The following PGD variants were observed in gnomAD, a reference collection of about 807,000 sequenced individuals.
PGD encodes the protein phosphogluconate dehydrogenase.
In PGD, 21 loss-of-function variants were observed where a neutral mutation model predicts 60.4. That is an observed-to-expected ratio of 0.35 (90% CI 0.25 to 0.50). PGD has a LOEUF of 0.50. Ranked by LOEUF, PGD falls within the 20% of genes least tolerant of loss-of-function variation. PGD has a pLI of 0.98. For missense variants in PGD, 477 were observed against 613.1 expected (o/e 0.78, Z 2.34); for synonymous variants, 230 against 235.9 (o/e 0.97, Z 0.23).
At chr1:10,411,323 G>T in intron 6 of PGD, 95 bp from the exon 7 acceptor site, 1 of 1,387,500 alleles carries the variant, frequency 7.2e-7, no homozygotes, top group East Asian at 2.3e-5. Flanking sequence ...TGGAGAGGTA[G>T]CCTTGCCAGG....
Position 10,404,021 on chromosome 1 carries a change from C to A in PGD, c.331-140C>A, listed in dbSNP as rs745541595. 4.0e-5 allele frequency: 26 copies of A among 655,452 alleles called. 1 individual carries two copies. Among genetic ancestry groups the A allele is most frequent in the Non-Finnish European group, 7.0e-5 (26 of 373,844 alleles). The allele number at this position is 655,452 out of a possible 1,614,324, so 40.6% of individuals were successfully genotyped here. ...ATCAGTTATTCCTAGATCCTTGGGT[C>A]ATTTCCTGTAAATGTAGGCTCTCCA... On this transcript the variant is annotated intron_variant, in intron 4 of 12. Coordinates refer to ENST00000270776, the MANE Select transcript of PGD (RefSeq NM_002631.4).
chr1:10,419,428 G>A lies in PGD; in HGVS notation c.1221G>A (p.Arg407=). The A allele has an allele frequency of 1.2e-6, 2 of 1,613,620 alleles. No individual in the cohort carries two copies. The highest frequency in any genetic ancestry group is 2.2e-5 in the East Asian group (1 of 44,880). Residue 407 remains arginine, a synonymous_variant, in exon 12 of 13, where the codon CGG becomes CGA. Transcript: ENST00000270776. ...SAVENCQDSW[R]RAVSTGVQAG... ...CGTTTTGTGCTCAGGACTCCTGGCGGCGGGCAGTCAGCACTGGGGTCCAGG... is the reference window on the plus strand; with the variant it reads ...CGTTTTGTGCTCAGGACTCCTGGCGACGGGCAGTCAGCACTGGGGTCCAGG...
chr1:10,414,191 C>T, intron 8 of PGD, among the ~76,000 whole-genome samples: 1 of 152,284 alleles, frequency 6.6e-6, no homozygotes, highest in South Asian at 2.1e-4. Flanking sequence ...AGTTCCTTCT[C>T]CTTCCTCTTT....
chr1:10,401,952 T>A (rs1569968532), intron 3 of PGD, among the ~76,000 whole-genome samples: 2 of 151,146 alleles, frequency 1.3e-5, no homozygotes, highest in East Asian at 3.9e-4. Context: ...GAGGCAGAGC[T>A]TGCAGTGAGC....
intron 7 of PGD, 106 bp from the exon 8 acceptor site, chr1:10,412,956 G>A: frequency 1.1e-6 from 1 of 926,788 alleles, no homozygotes; most frequent in Non-Finnish European, 1.7e-6. Flanking sequence ...CGCGAGCAGA[G>A]CCTGCTGGCA....
intron 3 of PGD, 87 bp downstream of exon 3, chr1:10,400,659 ATT>A: frequency 6.1e-6 from 5 of 826,092 alleles, no homozygotes; most frequent in Non-Finnish European, 5.3e-6. Flanking sequence ...AACTCTAGAG[ATT>A]TTTTTTTTTC....
chr1:10,399,730 C>T (rs1362464982), intron 2 of PGD, 26 bp downstream of exon 2: 4 of 1,606,586 alleles, frequency 2.5e-6, no homozygotes, highest in Non-Finnish European at 3.4e-6. Context: ...GCGTTGTCTT[C>T]TCTCTGGTTC....
At position 10,401,431 on chromosome 1, in the gene PGD, A is replaced by G. The variant is rs570901324; in HGVS notation, c.264+859A>G. Among the ~76,000 whole-genome samples the G allele has an allele frequency of 7.2e-5, 11 of 152,364 alleles. No individual in the cohort carries two copies. The East Asian group carries it at 1.2e-3, about 16-fold the overall frequency. On this transcript the variant is annotated intron_variant, in intron 3 of 12. Coordinates refer to ENST00000270776, the MANE Select transcript of PGD (RefSeq NM_002631.4). ...AGAAATGTTTTGCTGTAAGCAGTGC[A>G]GTGATAGCTCAGGGGAGGCTGAGCA...
intron 5 of PGD, among the ~76,000 whole-genome samples, chr1:10,405,172 A>G (rs1188480235): frequency 1.3e-5 from 2 of 151,630 alleles, no homozygotes; most frequent in African/African-American, 2.4e-5. Context: ...CAGGAGATCT[A>G]GACGATCCTG....
chr1:10,404,523 T>C (rs1639367781), intron 5 of PGD, among the ~76,000 whole-genome samples: 1 of 107,880 alleles, frequency 9.3e-6, no homozygotes, highest in Non-Finnish European at 2.0e-5. Context: ...CTAAATAGGC[T>C]TTTTTTTTTT....
intron 6 of PGD, among the ~76,000 whole-genome samples, chr1:10,410,635 C>T (rs563637004): frequency 1.7e-4 from 26 of 152,106 alleles, no homozygotes; most frequent in African/African-American, 4.3e-4. Context: ...GTTTGGCTCT[C>T]GTCACTCCCT....
intron 10 of PGD, among the ~76,000 whole-genome samples, chr1:10,417,763 G>A (rs1639621408): frequency 6.6e-6 from 1 of 152,096 alleles, no homozygotes; most frequent in African/African-American, 2.4e-5. Flanking sequence ...AAACTGGAGT[G>A]CCATGATGCG....
In PGD at chr1:10,400,579, C is replaced by T. The variant is rs1281419012; in HGVS notation, c.264+7C>T. 6.2e-7 allele frequency: 1 copy of T among 1,609,154 alleles called. No individual in the cohort carries two copies. The highest frequency in any genetic ancestry group is 8.5e-7 in the Non-Finnish European group (1 of 1,177,110). The stretch of plus-strand genomic sequence containing the variant: ...TGATTTCATCGAGAAATTGGTGAGG[C>T]CAGCTGTGCTCTCAGCTGCTACCAC... On this transcript the variant is annotated splice_region_variant and intron_variant, in intron 3 of 12. Transcript: ENST00000270776.
intron 3 of PGD, 134 bp downstream of exon 3, chr1:10,400,706 A>C: frequency 1.5e-6 from 1 of 672,198 alleles, no homozygotes; most frequent in South Asian, 2.1e-5. Context: ...TGATTGCTTA[A>C]CTGTTGCAGT....
chr1:10,399,649 G>C lies in PGD; in HGVS notation c.29G>C (p.Gly10Ala). The change falls in exon 2 of 13, where the codon GGA becomes GCA. Residue 10 changes from glycine (G) to alanine (A), a missense_variant. Around this residue, in one of 3 missense-constraint regions of PGD, gnomAD observed 431 missense variants for 556.6 expected, o/e 0.77. Transcript: ENST00000270776. Reference protein sequence around the residue: MAQADIALIGLAVMGQNLIL... With the variant: MAQADIALIALAVMGQNLIL... ...TCTAGAGCTGACATCGCGCTGATCG[G>C]ATTGGCCGTCATGGGCCAGAACTTA... 1 of 1,614,074 alleles carries C rather than the reference G, an allele frequency of 6.2e-7. No individual in the cohort carries two copies. Among genetic ancestry groups the C allele is most frequent in the African/African-American group, 1.3e-5 (1 of 75,080 alleles).
chr1:10,413,590 T>G (rs1176158659), intron 8 of PGD, among the ~76,000 whole-genome samples: 3 of 152,160 alleles, frequency 2.0e-5, no homozygotes, highest in Non-Finnish European at 4.4e-5. Flanking sequence ...GTAACTTGAG[T>G]AAAATTTTTC....
At chr1:10,411,355 G>T (rs1337836474) in intron 6 of PGD, 63 bp from the exon 7 acceptor site, 2 of 1,592,322 alleles carry the variant, frequency 1.3e-6, no homozygotes, top group Admixed American at 3.4e-5. Context: ...GAAAGCTGAT[G>T]TGGACTTCTC....
intron 8 of PGD, among the ~76,000 whole-genome samples, chr1:10,416,021 A>C (rs1042723356): frequency 1.3e-5 from 2 of 152,206 alleles, no homozygotes; most frequent in Non-Finnish European, 2.9e-5. Flanking sequence ...AAAAAAATTA[A>C]GGTCCTCTAA....
rs769909729 is a variant in PGD, at chr1:10,399,720, G to T, written c.84+16G>T. On this transcript the variant is annotated intron_variant, in intron 2 of 12. Coordinates refer to ENST00000270776, the MANE Select transcript of PGD (RefSeq NM_002631.4). ...CGGCTTTGTGGTAAGCGGCGTGGGC[G>T]CGTTGTCTTCTCTCTGGTTCCCGGG... 6.2e-7 allele frequency: 1 copy of T among 1,612,298 alleles called. No homozygotes were observed. Among genetic ancestry groups the T allele is most frequent in the Non-Finnish European group, 8.5e-7 (1 of 1,178,464 alleles).
Sources: allele counts gnomAD v4.1 joint callset (sites outside exome capture counted in the v4.1 genomes callset), GRCh38; gene constraint gnomAD v4.1.1; regional missense constraint gnomAD v4.1.1; transcripts MANE v1.5; gene names NCBI Gene and HGNC (gene_info 2026-07-23, HGNC 2026-07-21).